Variants in SHTN1 observed in about 807,000 individuals in gnomAD.
SHTN1 encodes the protein shootin 1.
Under a neutral mutation model 83.1 loss-of-function variants are expected in SHTN1, and 42 were observed. That is an observed-to-expected ratio of 0.51 (90% CI 0.39 to 0.65). SHTN1 has a LOEUF of 0.65. Among genes scored for constraint, SHTN1 ranks in the 30% least tolerant of loss-of-function variants. The pLI, the probability that SHTN1 is intolerant of heterozygous loss-of-function variation, is 0.00. For synonymous variants in SHTN1, 224 were observed against 247.7 expected (o/e 0.90, Z 0.90); for missense variants, 622 against 737.8 (o/e 0.84, Z 1.82).
intron 11 of SHTN1, among the ~76,000 whole-genome samples, chr10:116,926,099 C>T (rs903661505): frequency 6.6e-6 from 1 of 152,086 alleles, no homozygotes; most frequent in East Asian, 1.9e-4. Context: ...CTTTAAAGAG[C>T]CTTATAAAAG....
At chr10:116,895,553 A>G (rs71500868) in intron 16 of SHTN1, among the ~76,000 whole-genome samples, 1,622 of 152,300 alleles carry the variant, frequency 0.011, 14 homozygotes, top group Middle Eastern at 0.034. Flanking sequence ...AGAATGAGAA[A>G]AGGAAGACAT....
intron 1 of SHTN1, among the ~76,000 whole-genome samples, chr10:117,070,730 G>C (rs1853068100): frequency 6.6e-6 from 1 of 150,818 alleles, no homozygotes; most frequent in African/African-American, 2.4e-5. Context: ...CAAGAGATCA[G>C]TTTGGCGGTA....
rs1006782479 is a variant in SHTN1 at position 116,973,942 on chromosome 10, G to C, written c.112-5230C>G. 8 of 1,268,246 alleles carry C rather than the reference G, an allele frequency of 6.3e-6. No homozygotes were observed. In the African/African-American group the frequency reaches 1.1e-4, roughly 17 times the overall value. 78.6% of individuals were successfully genotyped at this position (1,268,246 alleles called of 1,614,324 possible). A position where few individuals can be genotyped will look rare whatever the true frequency, so the allele number is the denominator to read the frequency against. On this transcript the variant is annotated intron_variant, in intron 2 of 16. Coordinates refer to ENST00000355371, the MANE Select transcript of SHTN1 (RefSeq NM_001127211.3). ...CAATTCTACTGCTCCACCTATGTAA[G>C]TCTGGCCAGAACTGTGCTTTCTGGA...
chr10:116,966,861 A>C (rs1850413557), intron 3 of SHTN1, among the ~76,000 whole-genome samples: 1 of 152,242 alleles, frequency 6.6e-6, no homozygotes, highest in Admixed American at 6.5e-5. Context: ...GAATAAGTAC[A>C]TTCCATAAGT....
intron 2 of SHTN1, among the ~76,000 whole-genome samples, chr10:117,039,635 C>T (rs1180671459): frequency 5.9e-5 from 9 of 151,968 alleles, no homozygotes; most frequent in Admixed American, 2.0e-4. Flanking sequence ...GGGCAGATCA[C>T]GAGGTCAGGA....
chr10:117,037,133 G>A (rs1852509451), intron 2 of SHTN1, among the ~76,000 whole-genome samples: 1 of 152,116 alleles, frequency 6.6e-6, no homozygotes, highest in South Asian at 2.1e-4. Flanking sequence ...AGTGGATTTT[G>A]ACATTTAAGA....
At chr10:117,064,395 C>A (rs1225686304) in intron 1 of SHTN1, among the ~76,000 whole-genome samples, 2 of 152,204 alleles carry the variant, frequency 1.3e-5, no homozygotes, top group African/African-American at 4.8e-5. Flanking sequence ...GTAGTTCATG[C>A]CCGTAATCCC....
chr10:116,983,633 C>CAGATAGATAGAT (rs145452456), intron 1 of SHTN1, among the ~76,000 whole-genome samples: 10 of 142,634 alleles, frequency 7.0e-5, no homozygotes, highest in African/African-American at 2.7e-4. Context: ...CCTGGGCATC[C>CAGATAGATAGAT]AGATAGATAG....
At position 116,882,818 on chromosome 10, in the gene SHTN1, C is replaced by T. The variant is rs1261214249; in HGVS notation, c.*3526G>A. 9.9e-5 allele frequency: 15 copies of T among 152,162 alleles called. No individual in the cohort carries two copies. The highest frequency in any genetic ancestry group is 2.2e-4 in the Non-Finnish European group (15 of 68,022). 9.4% of individuals were successfully genotyped at this position (152,162 alleles called of 1,614,324 possible). A position where few individuals can be genotyped will look rare whatever the true frequency, so the allele number is the denominator to read the frequency against. Reference sequence around the variant, plus strand: ...AGCATGCAGGAGACTTGGTTGGTATCACTCTAAGTTGGAAGAACTGTGTCA... The same window carrying T: ...AGCATGCAGGAGACTTGGTTGGTATTACTCTAAGTTGGAAGAACTGTGTCA... On this transcript the variant is annotated 3_prime_UTR_variant, in exon 17 of 17. Coordinates refer to ENST00000355371, the MANE Select transcript of SHTN1 (RefSeq NM_001127211.3).
At chr10:116,943,009 T>A (rs1849440810) in intron 8 of SHTN1, among the ~76,000 whole-genome samples, 1 of 152,224 alleles carries the variant, frequency 6.6e-6, no homozygotes, top group Non-Finnish European at 1.5e-5. Flanking sequence ...TCCAACGTGG[T>A]GCTATTTTTT....
chr10:116,897,128 C>T (rs191293866), intron 16 of SHTN1, among the ~76,000 whole-genome samples: 20 of 152,018 alleles, frequency 1.3e-4, no homozygotes, highest in African/African-American at 4.8e-4. Context: ...TGATCAGGTA[C>T]TTCTAATGTA....
In SHTN1 at chr10:116,882,221, C is replaced by T. The variant is rs1242395535; in HGVS notation, c.*4123G>A. The T allele has an allele frequency of 6.6e-6, 1 of 151,670 alleles. No homozygotes were observed. The highest frequency in any genetic ancestry group is 2.4e-5 in the African/African-American group (1 of 41,004). 9.4% of individuals were successfully genotyped at this position (151,670 alleles called of 1,614,324 possible). On this transcript the variant is annotated 3_prime_UTR_variant, in exon 17 of 17. Coordinates refer to ENST00000355371, the MANE Select transcript of SHTN1 (RefSeq NM_001127211.3). ...ATTCCTTTTTTCCTAATTCCCTCTC[C>T]TTTTTAAATTTTAGTTTTTCTTGTA...
At chr10:116,950,572 T>C (rs1849741076) in intron 6 of SHTN1, among the ~76,000 whole-genome samples, 1 of 152,126 alleles carries the variant, frequency 6.6e-6, no homozygotes, top group Non-Finnish European at 1.5e-5. Flanking sequence ...AGCGAGAGAA[T>C]CATCAGTAAA....
At chr10:116,933,816 T>C (rs899477960) in intron 9 of SHTN1, among the ~76,000 whole-genome samples, 1 of 152,154 alleles carries the variant, frequency 6.6e-6, no homozygotes, top group Non-Finnish European at 1.5e-5. Flanking sequence ...TCTCCACATC[T>C]TCTCCAGCAT....
At chr10:117,002,657 T>C (rs1851864912) in intron 1 of SHTN1, among the ~76,000 whole-genome samples, 1 of 152,182 alleles carries the variant, frequency 6.6e-6, no homozygotes, top group Non-Finnish European at 1.5e-5. Flanking sequence ...TCCCAATTAG[T>C]TCTACAGGTC....
chr10:116,943,962 G>T lies in SHTN1; in HGVS notation c.711+962C>A, dbSNP rs999826292. Reference sequence around the variant, plus strand: ...GCCATGGAAGACCCAACGACTGCATGTCAACAGGTAAGCCGGAACAAGAGA... The same window carrying T: ...GCCATGGAAGACCCAACGACTGCATTTCAACAGGTAAGCCGGAACAAGAGA... On this transcript the variant is annotated intron_variant, in intron 8 of 16. Transcript: ENST00000355371. Among the ~76,000 whole-genome samples the T allele has an allele frequency of 7.2e-5, 11 of 152,178 alleles. 1 individual carries two copies. The South Asian group carries it at 1.0e-3, about 14-fold the overall frequency.
intron 1 of SHTN1, among the ~76,000 whole-genome samples, chr10:117,049,974 C>G (rs1328668498): frequency 6.6e-6 from 1 of 151,588 alleles, no homozygotes; most frequent in East Asian, 1.9e-4. Flanking sequence ...AAGGGCAAAT[C>G]CAAAGGAAGT....
chr10:116,902,965 G>A (rs996595544), intron 15 of SHTN1, among the ~76,000 whole-genome samples: 25 of 152,234 alleles, frequency 1.6e-4, no homozygotes, highest in African/African-American at 5.8e-4. Flanking sequence ...CTTCCATTTG[G>A]ATTTAATGTG....
chr10:117,004,645 T>C (rs1328477183), intron 1 of SHTN1, among the ~76,000 whole-genome samples: 3 of 151,982 alleles, frequency 2.0e-5, no homozygotes, highest in African/African-American at 4.8e-5. Flanking sequence ...CCAAGCTAGC[T>C]GAGCCGCCCA....
Sources: gnomAD v4.1 joint callset for allele counts (sites outside exome capture counted in the v4.1 genomes callset) on GRCh38, gnomAD v4.1.1 for gene constraint, MANE v1.5 for transcripts, NCBI Gene and HGNC (gene_info 2026-07-23, HGNC 2026-07-21) for gene names.